CADM2: variants seen among roughly 807,000 people sequenced by gnomAD.
CADM2 encodes the protein immunoglobulin superfamily member 4D.
In CADM2, 12 loss-of-function variants were observed where a neutral mutation model predicts 49.8. That is an observed-to-expected ratio of 0.24 (90% CI 0.15 to 0.39). The LOEUF (loss-of-function observed/expected upper bound fraction) is 0.39. Among genes scored for constraint, CADM2 ranks in the 10% least tolerant of loss-of-function variants. The probability of loss-of-function intolerance (pLI) is 1.00; values close to 1 mark genes in which losing one functional copy is unlikely to be tolerated. For missense variants in CADM2, 378 were observed against 492.3 expected, an observed-to-expected ratio of 0.77 and a Z score of 2.20; for synonymous variants, 214 against 175.4, an observed-to-expected ratio of 1.22 and a Z score of -1.74.
At chr3:85,384,401 T>G in intron 1 of CADM2, among the ~76,000 whole-genome samples, 1 of 152,146 alleles carries the variant, frequency 6.6e-6, no homozygotes, top group East Asian at 1.9e-4. Flanking sequence ...AACCTCCACC[T>G]GCGGGGTTCA....
intron 3 of CADM2, among the ~76,000 whole-genome samples, chr3:85,832,970 G>A (rs1011907862): frequency 2.0e-5 from 3 of 151,752 alleles, no homozygotes; most frequent in Non-Finnish European, 4.4e-5. Context: ...GTATTTTGAG[G>A]TATTTTTCTT....
At chr3:85,176,123 T>A (rs2040779583) in intron 1 of CADM2, among the ~76,000 whole-genome samples, 1 of 151,924 alleles carries the variant, frequency 6.6e-6, no homozygotes, top group African/African-American at 2.4e-5. Flanking sequence ...ACATTTAAAG[T>A]GTGGTCCAGG....
At chr3:85,743,085 A>G (rs2068462588) in intron 2 of CADM2, among the ~76,000 whole-genome samples, 2 of 152,126 alleles carry the variant, frequency 1.3e-5, no homozygotes, top group South Asian at 4.1e-4. Context: ...CTGAAGCTGC[A>G]TCCCTGTTCC....
intron 5 of CADM2, among the ~76,000 whole-genome samples, chr3:85,890,203 G>A (rs1714237731): frequency 6.6e-6 from 1 of 152,014 alleles, no homozygotes; most frequent in Admixed American, 6.6e-5. Context: ...GGAAAAAAAG[G>A]GGTTTAGGGG....
intron 1 of CADM2, among the ~76,000 whole-genome samples, chr3:85,181,723 C>G (rs1347666072): frequency 6.6e-6 from 1 of 151,636 alleles, no homozygotes; most frequent in Non-Finnish European, 1.5e-5. Flanking sequence ...GTAAAGAAGT[C>G]TACCCACAGA....
chr3:85,315,748 T>A (rs1245125640), intron 1 of CADM2, among the ~76,000 whole-genome samples: 2 of 152,226 alleles, frequency 1.3e-5, no homozygotes, highest in African/African-American at 2.4e-5. Context: ...TCAGTTTATC[T>A]ATTTCATTTA....
intron 1 of CADM2, among the ~76,000 whole-genome samples, chr3:85,137,007 A>C (rs1200480313): frequency 3.9e-5 from 6 of 151,948 alleles, no homozygotes; most frequent in Admixed American, 3.9e-4. Flanking sequence ...TAAAAATATA[A>C]AGATATTTTT....
chr3:85,021,915 G>A (rs966771609), intron 1 of CADM2, among the ~76,000 whole-genome samples: 7 of 152,326 alleles, frequency 4.6e-5, no homozygotes, highest in African/African-American at 1.7e-4. Context: ...AGCTGATGGA[G>A]TGTGTTGTCC....
At chr3:85,482,622 T>C (rs2039260278) in intron 1 of CADM2, among the ~76,000 whole-genome samples, 1 of 151,760 alleles carries the variant, frequency 6.6e-6, no homozygotes, top group Admixed American at 6.6e-5. Context: ...TTTAGTTTGA[T>C]ATTTTAAAAG....
chr3:85,607,989 A>G (rs959110893), intron 1 of CADM2, among the ~76,000 whole-genome samples: 3 of 152,098 alleles, frequency 2.0e-5, no homozygotes, highest in Non-Finnish European at 4.4e-5. Flanking sequence ...TACATTTATT[A>G]GAAACAAATA....
At chr3:85,265,671 A>T (rs1331549905) in intron 1 of CADM2, among the ~76,000 whole-genome samples, 3 of 151,408 alleles carry the variant, frequency 2.0e-5, no homozygotes, top group Non-Finnish European at 4.4e-5. Flanking sequence ...CAACACATGA[A>T]CTTTGGGGGA....
chr3:85,384,931 T>C (rs1024302692), intron 1 of CADM2, among the ~76,000 whole-genome samples: 2 of 152,142 alleles, frequency 1.3e-5, no homozygotes, highest in African/African-American at 4.8e-5. Context: ...TACTTTATTA[T>C]TTATTTATTT....
At chr3:85,351,049 T>G (rs1197402160) in intron 1 of CADM2, among the ~76,000 whole-genome samples, 1 of 152,194 alleles carries the variant, frequency 6.6e-6, no homozygotes, top group African/African-American at 2.4e-5. Context: ...TTAATAGGCT[T>G]ACTCTACCTC....
intron 1 of CADM2, among the ~76,000 whole-genome samples, chr3:85,483,837 T>C (rs2039310753): frequency 6.6e-6 from 1 of 151,594 alleles, no homozygotes; most frequent in Admixed American, 6.6e-5. Context: ...TCTTCTTGAA[T>C]TACTATTTTG....
At chr3:85,098,769 C>G (rs192135941) in intron 1 of CADM2, among the ~76,000 whole-genome samples, 1 of 152,304 alleles carries the variant, frequency 6.6e-6, no homozygotes, top group Non-Finnish European at 1.5e-5. Context: ...TGTGCATATG[C>G]TTGCTCCGCA....
chr3:85,291,352 G>A (rs547541156), intron 1 of CADM2, among the ~76,000 whole-genome samples: 5 of 151,420 alleles, frequency 3.3e-5, no homozygotes, highest in Admixed American at 6.6e-5. Flanking sequence ...GAACCAAGTT[G>A]GAAAACACTC....
At chr3:85,055,818 G>A (rs1407544969) in intron 1 of CADM2, among the ~76,000 whole-genome samples, 1 of 152,000 alleles carries the variant, frequency 6.6e-6, no homozygotes. Flanking sequence ...CTGGAAACTT[G>A]TTAAAAATGT....
intron 1 of CADM2, among the ~76,000 whole-genome samples, chr3:85,187,163 A>G (rs1230182580): frequency 1.3e-5 from 2 of 152,152 alleles, no homozygotes; most frequent in African/African-American, 4.8e-5. Flanking sequence ...TAGAGCCCAA[A>G]CCCAATTAAT....
intron 1 of CADM2, among the ~76,000 whole-genome samples, chr3:85,027,735 A>T (rs1317160579): frequency 2.0e-5 from 3 of 152,162 alleles, no homozygotes; most frequent in Admixed American, 6.5e-5. Flanking sequence ...TAGTTAAAAT[A>T]TTTAATCTTC....
Sources: allele counts gnomAD v4.1 joint callset (sites outside exome capture counted in the v4.1 genomes callset), GRCh38; gene constraint gnomAD v4.1.1; transcripts MANE v1.5; gene names NCBI Gene and HGNC (gene_info 2026-07-23, HGNC 2026-07-21).